TRIM55: variants seen among roughly 807,000 people sequenced by gnomAD.
TRIM55 encodes the protein tripartite motif-containing protein 55.
TRIM55 carries 50 observed loss-of-function variants against 60.9 expected under a neutral mutation model. The ratio of observed to expected loss-of-function variants is 0.82; its 90% CI spans 0.65 to 1.04. The LOEUF (loss-of-function observed/expected upper bound fraction) is 1.04. Among genes scored for constraint, TRIM55 ranks in the 50% least tolerant of loss-of-function variants. The probability of loss-of-function intolerance (pLI) is 0.00; values close to 1 mark genes in which losing one functional copy is unlikely to be tolerated. For missense variants in TRIM55, 681 were observed against 666.9 expected (o/e 1.02, Z -0.23); for synonymous variants, 237 against 238.1 (o/e 1.00, Z 0.04).
In TRIM55 at chr8:66,154,102, C is replaced by A; in HGVS notation, c.1292C>A (p.Pro431His). 6.2e-7 allele frequency: 1 copy of A among 1,614,072 alleles called. No homozygotes were observed. ...ACCACAGAGTCTGAAACTCCAGTCC[C>A]TGCAGCAGCAGAAACTGCGGATCCC... Reference protein sequence around the residue: ...EQTTESETPVPAAAETADPLF... With the variant: ...EQTTESETPVHAAAETADPLF... Residue 431 changes from proline (P) to histidine (H), a missense_variant, in exon 9 of 10, where the codon CCT (proline) becomes CAT (histidine). Physicochemically the swap from Pro to His is moderately conservative, Grantham distance 77 (BLOSUM62 -2). Transcript: ENST00000315962.
the TRIM55 span, among the ~76,000 whole-genome samples, chr8:66,117,901 T>C: frequency 6.6e-6 from 1 of 152,004 alleles, no homozygotes; most frequent in Admixed American, 6.6e-5. Flanking sequence ...GCACGGTGGC[T>C]CAAGCCTGTA....
intron 4 of TRIM55, among the ~76,000 whole-genome samples, chr8:66,144,623 T>C (rs923952732): frequency 6.6e-6 from 1 of 152,192 alleles, no homozygotes; most frequent in Non-Finnish European, 1.5e-5. Flanking sequence ...ATGGAGACTA[T>C]TTGAAAAGAT....
intron 9 of TRIM55, among the ~76,000 whole-genome samples, chr8:66,156,033 G>A (rs1810721451): frequency 6.6e-6 from 1 of 152,214 alleles, no homozygotes; most frequent in African/African-American, 2.4e-5. Flanking sequence ...CCAGTTTCAA[G>A]TGTCCATAAT....
In TRIM55 at chr8:66,152,553, C is replaced by G. The variant is rs773391888; in HGVS notation, c.1162C>G (p.Pro388Ala). The G allele has an allele frequency of 6.0e-5, 97 of 1,614,048 alleles. 2 individuals carry two copies. The South Asian group carries it at 9.9e-4, about 16-fold the overall frequency. Residue 388 changes from proline to alanine, a missense_variant, in exon 8 of 10, where the codon CCT becomes GCT. Transcript: ENST00000315962. ...CTCTCAGGTGGAGCTGCAGGCTGCC[C>G]CTGGGGCACTTCCAGTTTCCTCTCC... ...ELSQVELQAAPGALPVSSPEP... is the reference protein window; with the variant it reads ...ELSQVELQAAAGALPVSSPEP...
Position 66,152,463 on chromosome 8 carries a change from G to A in TRIM55, c.1072G>A (p.Glu358Lys). The change falls in exon 8 of 10, where the codon GAG becomes AAG. Residue 358 changes from glutamate to lysine, a missense_variant. Transcript: ENST00000315962. Reference sequence around the variant, plus strand: ...GGGAGGAGAAGCAGTAGAAGTGGAAGAGGTAGAAAATGTTCAAACAGAGTT... The same window carrying A: ...GGGAGGAGAAGCAGTAGAAGTGGAAAAGGTAGAAAATGTTCAAACAGAGTT... ...EVGGEAVEVE[E>K]VENVQTEFPG... The A allele has an allele frequency of 2.5e-6, 4 of 1,614,142 alleles. No homozygotes were observed. The highest frequency in any genetic ancestry group is 3.4e-6 in the Non-Finnish European group (4 of 1,180,006).
chr8:66,130,787 A>C (rs974666369), intron 2 of TRIM55, among the ~76,000 whole-genome samples: 1 of 151,530 alleles, frequency 6.6e-6, no homozygotes, highest in African/African-American at 2.4e-5. Context: ...CAGCCTCCCA[A>C]GTAGCTGGGA....
At chr8:66,166,208 G>T (rs1194737063) in intron 9 of TRIM55, among the ~76,000 whole-genome samples, 1 of 152,160 alleles carries the variant, frequency 6.6e-6, no homozygotes, top group Non-Finnish European at 1.5e-5. Flanking sequence ...AAGCTAAAAT[G>T]GATGTATCCA....
chr8:66,161,787 G>C (rs996227672), intron 9 of TRIM55, among the ~76,000 whole-genome samples: 1 of 136,260 alleles, frequency 7.3e-6, no homozygotes, highest in African/African-American at 2.9e-5. Flanking sequence ...TATTGTGAAA[G>C]GGGTTTGAGT....
rs539577185 is a variant in TRIM55, at chr8:66,153,339, C to T, written c.1237-708C>T. Among the ~76,000 whole-genome samples, 66 of 152,314 alleles carry T rather than the reference C, an allele frequency of 4.3e-4. No homozygotes were observed. The South Asian group carries it at 0.013, about 31-fold the overall frequency. ...ATTGGTTGACCTCATGTTTCTAATA[C>T]GTCACCGTCCAGTTTTCAAGCCTTT... On this transcript the variant is annotated intron_variant, in intron 8 of 9. Transcript: ENST00000315962.
chr8:66,134,728 G>C (rs1007578740), intron 2 of TRIM55, among the ~76,000 whole-genome samples: 1 of 152,018 alleles, frequency 6.6e-6, no homozygotes, highest in Non-Finnish European at 1.5e-5. Flanking sequence ...TGGGCAAATG[G>C]TACAAATCAG....
chr8:66,172,198 C>T (rs1038952917), intron 9 of TRIM55, among the ~76,000 whole-genome samples: 2 of 152,150 alleles, frequency 1.3e-5, no homozygotes, highest in East Asian at 1.9e-4. Context: ...GTTCTCATCT[C>T]TATTTTACAG....
the TRIM55 span, among the ~76,000 whole-genome samples, chr8:66,114,135 C>G: frequency 7.2e-6 from 1 of 139,508 alleles, no homozygotes; most frequent in African/African-American, 2.6e-5. Flanking sequence ...GTCTTCAGCG[C>G]TCAATGTTCT....
In TRIM55 at chr8:66,129,287, G is replaced by A. The variant is rs1390498102; in HGVS notation, c.341+811G>A. Among the ~76,000 whole-genome samples the A allele has an allele frequency of 2.6e-5, 4 of 152,238 alleles. No homozygotes were observed. The South Asian group carries it at 6.2e-4, about 24-fold the overall frequency. The stretch of plus-strand genomic sequence containing the variant: ...CGGGAAGCTTATTCCTAGAAGGCAC[G>A]GTGTGAAGAGCCCCTTTTCAATTGT... On this transcript the variant is annotated intron_variant, in intron 2 of 9. Coordinates refer to ENST00000315962, the MANE Select transcript of TRIM55 (RefSeq NM_184085.2).
intron 9 of TRIM55, among the ~76,000 whole-genome samples, 186 bp downstream of exon 9, chr8:66,154,520 A>G (rs867033879): frequency 1.3e-5 from 2 of 152,206 alleles, no homozygotes; most frequent in Non-Finnish European, 2.9e-5. Context: ...GAAAACATAA[A>G]ACAAAACAAA....
At chr8:66,119,145 C>CTCCACA in the TRIM55 span, among the ~76,000 whole-genome samples, 3 of 152,298 alleles carry the variant, frequency 2.0e-5, no homozygotes, top group Middle Eastern at 3.4e-3. Flanking sequence ...GACTCTCTGC[C>CTCCACA]TCCACATCCA....
At chr8:66,153,733 C>T (rs200841388) in intron 8 of TRIM55, among the ~76,000 whole-genome samples, 1 of 152,138 alleles carries the variant, frequency 6.6e-6, no homozygotes, top group Non-Finnish European at 1.5e-5. Flanking sequence ...TAGTTTGACC[C>T]TTTTCCCATA....
chr8:66,115,296 C>G, the TRIM55 span: 2 of 152,046 alleles, frequency 1.3e-5, no homozygotes, highest in East Asian at 3.8e-4. Flanking sequence ...ATTTTTACCT[C>G]GTTTTATTAT....
intron 1 of TRIM55, 131 bp downstream of exon 1, chr8:66,127,567 C>T (rs753725030): frequency 1.9e-6 from 2 of 1,050,752 alleles, no homozygotes; most frequent in Non-Finnish European, 2.8e-6. Flanking sequence ...TGGCTCACGC[C>T]TGTAGTCCCA....
chr8:66,128,921 G>T (rs1369656099), intron 2 of TRIM55, among the ~76,000 whole-genome samples: 1 of 152,128 alleles, frequency 6.6e-6, no homozygotes, highest in Non-Finnish European at 1.5e-5. Flanking sequence ...TCCTAGTTCA[G>T]ACAGTCTTGC....
Sources: gnomAD v4.1 joint callset for allele counts (sites outside exome capture counted in the v4.1 genomes callset) on GRCh38, gnomAD v4.1.1 for gene constraint, MANE v1.5 for transcripts, NCBI Gene and HGNC (gene_info 2026-07-23, HGNC 2026-07-21) for gene names.